Variants in ARHGAP28 observed in about 807,000 individuals in gnomAD.
ARHGAP28 encodes the protein rho GTPase-activating protein 28.
In ARHGAP28, 56 loss-of-function variants were observed where a neutral mutation model predicts 90.7. The observed-to-expected ratio is 0.62, with a 90% confidence interval of 0.50 to 0.77. The LOEUF (loss-of-function observed/expected upper bound fraction) is 0.77, where lower values mean the gene tolerates loss of function less well. Among genes scored for constraint, ARHGAP28 ranks in the 30% least tolerant of loss-of-function variants. The probability of loss-of-function intolerance (pLI) is 0.00; values close to 1 mark genes in which losing one functional copy is unlikely to be tolerated. For missense variants in ARHGAP28, 869 were observed against 900.9 expected, an observed-to-expected ratio of 0.96 and a Z score of 0.45; for synonymous variants, 308 against 323.3, an observed-to-expected ratio of 0.95 and a Z score of 0.51.
chr18:6,843,946 C>T (rs1264407458), intron 3 of ARHGAP28, among the ~76,000 whole-genome samples: 1 of 152,162 alleles, frequency 6.6e-6, no homozygotes, highest in Admixed American at 6.5e-5. Flanking sequence ...AATGTTAAAT[C>T]AGTCTCCGGA....
chr18:6,901,506 A>G (rs1383950679), intron 16 of ARHGAP28, among the ~76,000 whole-genome samples: 9 of 148,830 alleles, frequency 6.0e-5, no homozygotes, highest in African/African-American at 2.2e-4. Flanking sequence ...TGTTGATAGT[A>G]TGTTGATAGT....
chr18:6,841,188 T>TCTCTC (rs1555631497), intron 3 of ARHGAP28, among the ~76,000 whole-genome samples: 2 of 60,504 alleles, frequency 3.3e-5, no homozygotes, highest in African/African-American at 9.4e-5. Flanking sequence ...CTCCTCTCTC[T>TCTCTC]CTCTCTCTCT....
chr18:6,783,225 TAAAC>T lies in ARHGAP28; in HGVS notation c.123-41535_123-41532del, dbSNP rs1353574256. ...TCTTCCTGAAGATTACCTATAGAAA[TAAAC>T]AGACTCACTGCAGTTTTTTTTCCAT... is the stretch of plus-strand genomic sequence containing the variant. On this transcript the variant is annotated intron_variant, in intron 1 of 17. Transcript: ENST00000383472. Among the ~76,000 whole-genome samples the T allele has an allele frequency of 4.6e-5, 7 of 152,260 alleles. No homozygotes were observed. The East Asian group carries it at 1.4e-3, about 29-fold the overall frequency.
At chr18:6,768,318 G>C (rs1190294843) in intron 1 of ARHGAP28, among the ~76,000 whole-genome samples, 1 of 152,066 alleles carries the variant, frequency 6.6e-6, no homozygotes, top group Non-Finnish European at 1.5e-5. Context: ...TTGCATATAT[G>C]TAGTTTTTTA....
chr18:6,912,185 T>C lies in ARHGAP28; in HGVS notation c.*31T>C. 2.3e-6 allele frequency: 3 copies of C among 1,318,290 alleles called. No homozygotes were observed. The highest frequency in any genetic ancestry group is 3.2e-6 in the Non-Finnish European group (3 of 933,756). The allele number at this position is 1,318,290 out of a possible 1,614,324, so 81.7% of individuals were successfully genotyped here. ...CCTCGAGAGAGCTGCTATCATGTAT[T>C]ATATGCCAAAAAGATCCTACATTTT... On this transcript the variant is annotated 3_prime_UTR_variant, in exon 18 of 18. Transcript: ENST00000383472.
intron 1 of ARHGAP28, among the ~76,000 whole-genome samples, chr18:6,772,987 C>T (rs981448957): frequency 2.0e-5 from 3 of 152,016 alleles, no homozygotes; most frequent in African/African-American, 4.8e-5. Context: ...GTGATCCACC[C>T]GCCTCAGCCT....
chr18:6,815,917 T>C (rs1235935040), intron 1 of ARHGAP28, among the ~76,000 whole-genome samples: 1 of 152,100 alleles, frequency 6.6e-6, no homozygotes, highest in Non-Finnish European at 1.5e-5. Context: ...TTTTTTTTTT[T>C]TAAAGAAAGA....
intron 16 of ARHGAP28, among the ~76,000 whole-genome samples, chr18:6,900,594 T>G (rs1479773198): frequency 6.6e-6 from 1 of 151,800 alleles, no homozygotes; most frequent in African/African-American, 2.4e-5. Context: ...TGAGGACATG[T>G]CAATAGAGTT....
chr18:6,744,597 T>A, intron 1 of ARHGAP28, among the ~76,000 whole-genome samples: 1 of 152,216 alleles, frequency 6.6e-6, no homozygotes. Flanking sequence ...CAGGTACTTT[T>A]GCTGTCTGTA....
intron 1 of ARHGAP28, among the ~76,000 whole-genome samples, chr18:6,799,002 A>G (rs1412157320): frequency 6.6e-6 from 1 of 152,218 alleles, no homozygotes; most frequent in Non-Finnish European, 1.5e-5. Flanking sequence ...ATTGAGATGA[A>G]TCATGTCTTC....
chr18:6,896,731 C>A, intron 16 of ARHGAP28, 105 bp downstream of exon 16: 1 of 1,359,428 alleles, frequency 7.4e-7, no homozygotes, highest in Non-Finnish European at 1.0e-6. Flanking sequence ...AATATAGAAC[C>A]TGTTGCTTTA....
intron 16 of ARHGAP28, among the ~76,000 whole-genome samples, chr18:6,903,334 T>G (rs777902742): frequency 6.6e-6 from 1 of 152,182 alleles, no homozygotes; most frequent in Non-Finnish European, 1.5e-5. Context: ...GATAGAAATA[T>G]AAAAATTTTT....
At chr18:6,854,982 G>T (rs1211632304) in intron 4 of ARHGAP28, among the ~76,000 whole-genome samples, 2 of 152,188 alleles carry the variant, frequency 1.3e-5, no homozygotes, top group African/African-American at 2.4e-5. Flanking sequence ...CCAGTCCCCT[G>T]CCCCCTTGGC....
chr18:6,841,192 T>TCTCTCTC (rs2056818129), intron 3 of ARHGAP28, among the ~76,000 whole-genome samples: 2 of 66,484 alleles, frequency 3.0e-5, no homozygotes, highest in African/African-American at 8.0e-5. Flanking sequence ...TCTCTCTCTC[T>TCTCTCTC]CTCTCTCTCT....
intron 1 of ARHGAP28, among the ~76,000 whole-genome samples, chr18:6,805,345 CT>C (rs916825492): frequency 3.9e-5 from 6 of 152,084 alleles, no homozygotes; most frequent in Non-Finnish European, 2.9e-5. Context: ...AATTTTTCCT[CT>C]ATTAATATAG....
chr18:6,866,665 G>A (rs182896813), intron 5 of ARHGAP28, among the ~76,000 whole-genome samples: 3 of 152,268 alleles, frequency 2.0e-5, no homozygotes, highest in Non-Finnish European at 2.9e-5. Flanking sequence ...TAGCTCAAGA[G>A]CAGGGATTAT....
chr18:6,862,214 G>T (rs890909026), intron 5 of ARHGAP28, among the ~76,000 whole-genome samples: 3 of 152,178 alleles, frequency 2.0e-5, no homozygotes, highest in African/African-American at 7.2e-5. Context: ...AGGGACCCCA[G>T]TTTGATTTCC....
intron 1 of ARHGAP28, chr18:6,789,507 G>C (rs866172710): frequency 6.6e-6 from 1 of 152,140 alleles, no homozygotes; most frequent in South Asian, 2.1e-4. Flanking sequence ...CACGGGAGGC[G>C]GAAGTTGCAG....
chr18:6,782,592 A>ATTTTTTTTTTT lies in ARHGAP28; in HGVS notation c.123-42143_123-42133dup, dbSNP rs10602816. Reference sequence around the variant, plus strand: ...GCCATCACGCCCAGCTAATTTTTGTATTTTTTTTTTTTTTTTTTTTTTTTT... The same window carrying ATTTTTTTTTTT: ...GCCATCACGCCCAGCTAATTTTTGTATTTTTTTTTTTTTTTTTTTTTTTTTTTTTTTTTTTT... On this transcript the variant is annotated intron_variant, in intron 1 of 17. Coordinates refer to ENST00000383472, the MANE Select transcript of ARHGAP28 (RefSeq NM_001366230.1). 9.3e-3 allele frequency among the ~76,000 whole-genome samples: 249 copies of ATTTTTTTTTTT among 26,688 alleles called. 95 individuals carry two copies. The highest frequency in any genetic ancestry group is 0.016 in the Non-Finnish European group (194 of 12,334). The allele number at this position is 26,688 out of a possible 152,430, so 17.5% of individuals were successfully genotyped here. A position where few individuals can be genotyped will look rare whatever the true frequency, so the allele number is the denominator to read the frequency against.
Sources: gnomAD v4.1 joint callset for allele counts (sites outside exome capture counted in the v4.1 genomes callset) on GRCh38, gnomAD v4.1.1 for gene constraint, MANE v1.5 for transcripts, NCBI Gene and HGNC (gene_info 2026-07-23, HGNC 2026-07-21) for gene names.